Variants in NECAB2 observed in about 807,000 individuals in gnomAD.
NECAB2 encodes the protein N-terminal EF-hand calcium binding protein 2.
A neutral mutation model predicts 51.9 loss-of-function variants in NECAB2; 68 were observed. The ratio of observed to expected loss-of-function variants is 1.31; its 90% confidence interval spans 1.08 to 1.60. NECAB2 has a LOEUF of 1.60. Ranked by LOEUF, NECAB2 falls within the 40% of genes most tolerant of loss-of-function variation. The probability of loss-of-function intolerance (pLI) is 0.00; values close to 1 mark genes in which losing one functional copy is unlikely to be tolerated. For synonymous variants in NECAB2, 329 were observed against 203.5 expected (o/e 1.62, Z -5.25); for missense variants, 854 against 490.3 (o/e 1.74, Z -7.00).
intron 8 of NECAB2, 127 bp downstream of exon 8, chr16:83,994,815 C>T: frequency 9.1e-7 from 1 of 1,093,840 alleles, no homozygotes. Context: ...AGACATCCCC[C>T]AGGTGGGGCG....
At chr16:84,002,176 GCACCTGGGTGACCAGCAAGGACC>G in intron 12 of NECAB2, 119 bp from the exon 13 acceptor site, 1 of 1,141,844 alleles carries the variant, frequency 8.8e-7, no homozygotes, top group South Asian at 1.3e-5. Flanking sequence ...TGTGTGGTTT[GCACCTGGGTGACCAGCAAGGACC>G]TGTGTGTCAC....
At chr16:83,991,365 TTTC>T (rs202053281) in intron 6 of NECAB2, among the ~76,000 whole-genome samples, 6,878 of 128,776 alleles carry the variant, frequency 0.053, 887 homozygotes, top group African/African-American at 0.28. Flanking sequence ...TTTCTTTTCT[TTTC>T]TTTTTTTTTT....
rs781431572 is a variant in NECAB2, at chr16:83,978,561, C to T, written c.335+9C>T. 1.2e-6 allele frequency: 2 copies of T among 1,608,000 alleles called. No individual in the cohort carries two copies. The highest frequency in any genetic ancestry group is 3.3e-5 in the Admixed American group (2 of 59,918). ...GACTCTGACAACACCAAGTGAGCTTCAGTCCTGGCTGGCAGAGTGGGGGTG... is the reference window on the plus strand; with the variant it reads ...GACTCTGACAACACCAAGTGAGCTTTAGTCCTGGCTGGCAGAGTGGGGGTG... On this transcript the variant is annotated intron_variant, in intron 3 of 12. Transcript: ENST00000305202.
chr16:83,975,632 C>G (rs1268018612), intron 2 of NECAB2, among the ~76,000 whole-genome samples: 1 of 152,066 alleles, frequency 6.6e-6, no homozygotes, highest in Non-Finnish European at 1.5e-5. Flanking sequence ...GATGCCCAGT[C>G]CCTATGGGAA....
rs192026610 is a variant in NECAB2 at position 83,990,489 on chromosome 16, C to T, written c.460-5C>T. The T allele has an allele frequency of 6.2e-7, 1 of 1,613,986 alleles. No individual in the cohort carries two copies. The highest frequency in any genetic ancestry group is 1.3e-5 in the African/African-American group (1 of 75,020). ...CCCTCAGTGCCTCTTCTCTTCCTTC[C>T]ACAGGTATATGAGGGTGGGAGCAAC... On this transcript the variant is annotated splice_polypyrimidine_tract_variant and splice_region_variant and intron_variant, in intron 5 of 12. Coordinates refer to ENST00000305202, the MANE Select transcript of NECAB2 (RefSeq NM_019065.3).
chr16:83,971,129 C>G (rs1336635457), intron 1 of NECAB2, among the ~76,000 whole-genome samples: 1 of 151,934 alleles, frequency 6.6e-6, no homozygotes, highest in Non-Finnish European at 1.5e-5. Context: ...AATCAGTCCC[C>G]GTGGGAACTG....
chr16:83,999,984 TTAAATGAGTCTCATGC>T (rs1250953111), intron 10 of NECAB2, among the ~76,000 whole-genome samples: 4 of 152,086 alleles, frequency 2.6e-5, no homozygotes, highest in African/African-American at 4.8e-5. Context: ...ACCAGAGGGT[TTAAATGAGTCTCATGC>T]CTCAGTGTCC....
intron 5 of NECAB2, among the ~76,000 whole-genome samples, chr16:83,982,685 C>T (rs1194255001): frequency 6.6e-6 from 1 of 152,140 alleles, no homozygotes; most frequent in Non-Finnish European, 1.5e-5. Context: ...TTTTCAGGAA[C>T]ATAAGAGAGT....
upstream of NECAB2, chr16:83,965,591 G>T: frequency 1.2e-6 from 2 of 1,613,050 alleles, no homozygotes; most frequent in South Asian, 2.2e-5. Flanking sequence ...GTACCACAAG[G>T]TGCACCAGAT....
intron 5 of NECAB2, among the ~76,000 whole-genome samples, chr16:83,984,273 G>T (rs1032414472): frequency 6.6e-6 from 1 of 151,894 alleles, no homozygotes; most frequent in Non-Finnish European, 1.5e-5. Context: ...GGGATTACAG[G>T]CGTGAGCCAC....
intron 5 of NECAB2, among the ~76,000 whole-genome samples, chr16:83,983,316 C>T (rs1448460997): frequency 2.0e-5 from 3 of 152,172 alleles, no homozygotes; most frequent in Non-Finnish European, 4.4e-5. Context: ...CATTCTAACA[C>T]GTGCCCCTCT....
chr16:83,979,276 G>A (rs1312548587), intron 3 of NECAB2, among the ~76,000 whole-genome samples: 2 of 152,148 alleles, frequency 1.3e-5, no homozygotes, highest in Admixed American at 6.6e-5. Context: ...GCCTACTCGC[G>A]TGATGAGGAC....
chr16:83,984,271 A>C (rs1222950120), intron 5 of NECAB2, among the ~76,000 whole-genome samples: 1 of 151,968 alleles, frequency 6.6e-6, no homozygotes, highest in South Asian at 2.1e-4. Context: ...CTGGGATTAC[A>C]GGCGTGAGCC....
chr16:83,979,713 C>T (rs1226284266), intron 3 of NECAB2, among the ~76,000 whole-genome samples: 1 of 148,882 alleles, frequency 6.7e-6, no homozygotes, highest in African/African-American at 2.5e-5. Context: ...GAGGAGGAGG[C>T]ACTGGTTTGA....
intron 10 of NECAB2, among the ~76,000 whole-genome samples, chr16:83,998,584 G>C (rs555232136): frequency 1.6e-4 from 24 of 152,202 alleles, no homozygotes; most frequent in Non-Finnish European, 2.9e-4. Context: ...GGGTGATCAT[G>C]AGTGCATATA....
intron 10 of NECAB2, among the ~76,000 whole-genome samples, 154 bp downstream of exon 10, chr16:83,998,471 A>G (rs1464050144): frequency 2.6e-5 from 4 of 152,150 alleles, no homozygotes. Context: ...TCAGGTCTCT[A>G]CTGAGGTTCC....
chr16:83,968,645 C>G lies in NECAB2; in HGVS notation c.-4C>G. The G allele has an allele frequency of 2.0e-6, 2 of 979,964 alleles. No homozygotes were observed. Among genetic ancestry groups the G allele is most frequent in the Non-Finnish European group, 2.4e-6 (2 of 827,914 alleles). The allele number at this position is 979,964 out of a possible 1,614,324, so 60.7% of individuals were successfully genotyped here. A position where few individuals can be genotyped will look rare whatever the true frequency, so the allele number is the denominator to read the frequency against. ...TTCCGGGCGGCGGCGGCGGGCGCGG[C>G]GCGATGTGCGAGCGGGCGGCGCGCC... On this transcript the variant is annotated 5_prime_UTR_variant, in exon 1 of 13. Coordinates refer to ENST00000305202, the MANE Select transcript of NECAB2 (RefSeq NM_019065.3).
rs780319058 is a variant in NECAB2 at position 84,000,058 on chromosome 16, A to ATTT, written c.963-654_963-652dup. 9.3e-3 allele frequency among the ~76,000 whole-genome samples: 1,102 copies of ATTT among 118,180 alleles called. 5 individuals are homozygous for ATTT. Among genetic ancestry groups the ATTT allele is most frequent in the African/African-American group, 0.063 (1,069 of 17,004 alleles). 77.5% of individuals were successfully genotyped at this position (118,180 alleles called of 152,430 possible). ...TGTGCCACCAGGCCCAGCAAGTTTT[A>ATTT]TTTTTTTTTTTTTTAAAGAGACAGT... On this transcript the variant is annotated intron_variant, in intron 10 of 12. Transcript: ENST00000305202.
At chr16:83,970,716 G>T (rs541736421) in intron 1 of NECAB2, among the ~76,000 whole-genome samples, 1 of 152,174 alleles carries the variant, frequency 6.6e-6, no homozygotes, top group African/African-American at 2.4e-5. Context: ...CCTCTCCCTG[G>T]GTCTCAGTAC....
Sources: allele counts gnomAD v4.1 joint callset (sites outside exome capture counted in the v4.1 genomes callset), GRCh38; gene constraint gnomAD v4.1.1; transcripts MANE v1.5; gene names NCBI Gene and HGNC (gene_info 2026-07-23, HGNC 2026-07-21).